Variants in MACF1 observed in about 807,000 individuals in gnomAD.
The protein encoded by MACF1 is microtubule actin crosslinking factor 1.
MACF1 carries 193 observed loss-of-function variants against 854.8 expected under a neutral mutation model. The observed-to-expected ratio is 0.23, with a 90% CI of 0.20 to 0.25. MACF1 has a LOEUF of 0.25. MACF1 is among the 10% of genes least tolerant of loss of function. The pLI, the probability that MACF1 is intolerant of heterozygous loss-of-function variation, is 1.00. For missense variants in MACF1, 7,722 were observed against 8,929.1 expected (o/e 0.86, Z 5.45); for synonymous variants, 3,185 against 3,226.7 (o/e 0.99, Z 0.44).
chr1:39,165,413 T>C (rs1218781776), intron 2 of MACF1, among the ~76,000 whole-genome samples: 1 of 152,180 alleles, frequency 6.6e-6, no homozygotes, highest in Admixed American at 6.5e-5. Context: ...ATTGTATACT[T>C]TTTAGGCTTA....
intron 2 of MACF1, among the ~76,000 whole-genome samples, chr1:39,194,341 CTTTTCTTTTCTT>C (rs1257913005): frequency 2.5e-3 from 175 of 69,986 alleles, no homozygotes; most frequent in African/African-American, 9.0e-3. Context: ...CTTTTCTTTT[CTTTTCTTTTCTT>C]TTTTTTTTTT....
At position 39,486,382 on chromosome 1, in the gene MACF1, G is replaced by A. The variant is rs1297080343; in HGVS notation, c.*588G>A. 2.0e-5 allele frequency: 3 copies of A among 152,636 alleles called. No homozygotes were observed. The highest frequency in any genetic ancestry group is 2.9e-5 in the Non-Finnish European group (2 of 68,032). 9.5% of individuals were successfully genotyped at this position (152,636 alleles called of 1,614,324 possible). The stretch of plus-strand genomic sequence containing the variant: ...CATGATACAGCAAAAGGAGTTCATT[G>A]CAATACTGTCTTTGGATATTGTTTC... On this transcript the variant is annotated 3_prime_UTR_variant, in exon 101 of 101. Transcript: ENST00000564288.
chr1:39,455,804 A>G (rs1228453911), intron 89 of MACF1, among the ~76,000 whole-genome samples: 1 of 152,232 alleles, frequency 6.6e-6, no homozygotes, highest in East Asian at 1.9e-4. Flanking sequence ...AATGGAGGAA[A>G]GCTCAGGTGG....
intron 2 of MACF1, among the ~76,000 whole-genome samples, chr1:39,126,795 A>G (rs1017610496): frequency 6.6e-6 from 1 of 152,102 alleles, no homozygotes; most frequent in Non-Finnish European, 1.5e-5. Context: ...TCCAAAAAAA[A>G]AACCACACAA....
chr1:39,219,027 C>T (rs1031068182), intron 1 of MACF1, among the ~76,000 whole-genome samples: 2 of 152,148 alleles, frequency 1.3e-5, no homozygotes. Flanking sequence ...GTGATCCACC[C>T]ATCTCAGCCT....
intron 58 of MACF1, among the ~76,000 whole-genome samples, chr1:39,418,877 G>T (rs929052939): frequency 1.3e-5 from 2 of 149,984 alleles, no homozygotes; most frequent in Non-Finnish European, 3.0e-5. Flanking sequence ...AAAAAAAAAT[G>T]CAGTAACAAA....
chr1:39,102,777 A>G, intron 2 of MACF1: 1 of 702,636 alleles, frequency 1.4e-6, no homozygotes, highest in Non-Finnish European at 2.6e-6. Context: ...CTCACCCATC[A>G]GGAGCAAAAG....
At chr1:39,443,926 G>A (rs929937380) in intron 79 of MACF1, among the ~76,000 whole-genome samples, 14 of 152,172 alleles carry the variant, frequency 9.2e-5, no homozygotes, top group African/African-American at 2.4e-4. Flanking sequence ...ATAGTTACCC[G>A]ACAGTATTTC....
chr1:39,327,090 A>G (rs1310530983), intron 35 of MACF1, 128 bp from the exon 36 acceptor site: 5 of 921,998 alleles, frequency 5.4e-6, no homozygotes, highest in Non-Finnish European at 6.3e-6. Flanking sequence ...TGAAATGCCA[A>G]AGTCTCCGAT....
rs757945034 is a variant in MACF1 at position 39,327,293 on chromosome 1, T to C, written c.4554T>C (p.Asp1518=). Residue 1518 remains aspartate (D), a synonymous_variant, in exon 36 of 101, where the codon GAT becomes GAC. Coordinates refer to ENST00000564288, the MANE Select transcript of MACF1 (RefSeq NM_001394062.1). ...ACAAGGCTTACCATGACCTTTGTGATGGTTCTGCAAATCAGCTTCAGCAGC... is the reference window on the plus strand; with the variant it reads ...ACAAGGCTTACCATGACCTTTGTGACGGTTCTGCAAATCAGCTTCAGCAGC... ...ALNKAYHDLC[D]GSANQLQQLQ... 6.2e-7 allele frequency: 1 copy of C among 1,608,504 alleles called. No individual in the cohort carries two copies. The highest frequency in any genetic ancestry group is 8.5e-7 in the Non-Finnish European group (1 of 1,175,422).
At chr1:39,305,843 T>C (rs1485245405) in intron 23 of MACF1, among the ~76,000 whole-genome samples, 3 of 152,208 alleles carry the variant, frequency 2.0e-5, no homozygotes, top group Non-Finnish European at 4.4e-5. Flanking sequence ...GATATTTACA[T>C]GTTTCACTCC....
intron 2 of MACF1, among the ~76,000 whole-genome samples, chr1:39,108,023 G>A (rs1017682024): frequency 2.6e-5 from 4 of 151,904 alleles, no homozygotes; most frequent in East Asian, 1.9e-4. Context: ...TCAAGTATGG[G>A]TTTTCCAGAA....
At chr1:39,422,616 C>G (rs1643583176) in intron 59 of MACF1, 81 bp downstream of exon 59, 2 of 1,540,990 alleles carry the variant, frequency 1.3e-6, no homozygotes, top group Middle Eastern at 1.7e-4. Context: ...TTCCCGAAAC[C>G]TGAATGGAAA....
intron 88 of MACF1, 113 bp downstream of exon 88, chr1:39,453,963 C>A: frequency 1.6e-6 from 2 of 1,284,378 alleles, no homozygotes; most frequent in South Asian, 1.6e-5. Context: ...AATAACTCAG[C>A]AAAAATTAAG....
intron 2 of MACF1, among the ~76,000 whole-genome samples, chr1:39,119,332 A>C (rs913579605): frequency 1.3e-5 from 2 of 151,742 alleles, no homozygotes; most frequent in East Asian, 1.9e-4. Flanking sequence ...AAAAAAAAAA[A>C]AAAAAACAAC....
At chr1:39,185,152 C>T (rs1206759773) in intron 2 of MACF1, among the ~76,000 whole-genome samples, 2 of 151,888 alleles carry the variant, frequency 1.3e-5, no homozygotes, top group Non-Finnish European at 2.9e-5. Flanking sequence ...ATTAGCTGGG[C>T]GTGGTGGCGG....
chr1:39,319,572 G>T, intron 30 of MACF1, 92 bp from the exon 31 acceptor site: 1 of 859,600 alleles, frequency 1.2e-6, no homozygotes, highest in Non-Finnish European at 1.9e-6. Context: ...TGCAGCTAAG[G>T]TTTGGAAACT....
rs773874081 is a variant in MACF1, at chr1:39,378,474, C to G, written c.13227C>G (p.Pro4409=). 3.3e-5 allele frequency: 54 copies of G among 1,613,822 alleles called. No homozygotes were observed. The highest frequency in any genetic ancestry group is 2.3e-5 in the Non-Finnish European group (27 of 1,179,814). Residue 4409 remains proline (P), a synonymous_variant, in exon 53 of 101, where the codon CCC becomes CCG. Transcript: ENST00000564288. ...DSQGKTGSIL[P]SVGSSVGSVN... ...CCTTCTGCTCAGGTTCCATACTGCC[C>G]TCTGTAGGAAGCTCTGTAGGCAGTG...
rs112152591 is a variant in MACF1 at position 39,327,124 on chromosome 1, C to T, written c.4479-94C>T. ...ATGAATATGGAAGAAGATCATCCAT[C>T]CAAGATGAAGAAGTAGCAATTTTGA... On this transcript the variant is annotated intron_variant, in intron 35 of 100. Coordinates refer to ENST00000564288, the MANE Select transcript of MACF1 (RefSeq NM_001394062.1). The T allele has an allele frequency of 1.1e-4, 138 of 1,235,512 alleles. No homozygotes were observed. The African/African-American group carries it at 1.5e-3, about 13-fold the overall frequency. 76.5% of individuals were successfully genotyped at this position (1,235,512 alleles called of 1,614,324 possible). A position where few individuals can be genotyped will look rare whatever the true frequency, so the allele number is the denominator to read the frequency against.
Sources: allele counts gnomAD v4.1 joint callset (sites outside exome capture counted in the v4.1 genomes callset), GRCh38; gene constraint gnomAD v4.1.1; transcripts MANE v1.5; gene names NCBI Gene and HGNC (gene_info 2026-07-23, HGNC 2026-07-21).